TUSC1: variants seen among roughly 807,000 people sequenced by gnomAD.
TUSC1 encodes tumor suppressor candidate 1, also known as tumor suppressor candidate gene 1 protein.
A neutral mutation model predicts 5.2 loss-of-function variants in TUSC1; 8 were observed. The ratio of observed to expected loss-of-function variants is 1.54; its 90% confidence interval spans 0.90 to 2.77. TUSC1 has a LOEUF of 2.77. TUSC1 is among the 30% of genes most tolerant of loss of function. The pLI, the probability that TUSC1 is intolerant of heterozygous loss-of-function variation, is 0.00. For missense variants in TUSC1, 442 were observed against 324.2 expected, an observed-to-expected ratio of 1.36 and a Z score of -2.79; for synonymous variants, 192 against 144.2, an observed-to-expected ratio of 1.33 and a Z score of -2.37.
rs568849240 is a variant in TUSC1, at chr9:25,678,079, C to T, written c.234G>A (p.Glu78=). Residue 78 remains glutamate (E), a synonymous_variant, in exon 1 of 1, where the codon GAG becomes GAA. Transcript: ENST00000358022. ...GCAGCCGCGCGTTCTGCCGGTCCCA[C>T]TCGTCCCGCGCACGGATGGCCTCCA... ...SHLEAIRARD[E]WDRQNARLRQ... is the part of the protein sequence containing the mutation. The T allele has an allele frequency of 4.6e-5, 73 of 1,589,230 alleles. No homozygotes were observed. In the Admixed American group the frequency reaches 7.5e-4, roughly 16 times the overall value.
chr9:25,678,206 C>T lies in TUSC1; in HGVS notation c.107G>A (p.Gly36Asp), dbSNP rs1819090041. The T allele has an allele frequency of 6.5e-6, 9 of 1,374,552 alleles. No homozygotes were observed. In the South Asian group the frequency reaches 8.2e-5, roughly 13 times the overall value. 85.1% of individuals were successfully genotyped at this position (1,374,552 alleles called of 1,614,324 possible). ...GCCGCCGCCGCCGCCGCTGGGGCTGCCCCCACCACGAGCCCGGCCGGAGCG... is the reference window on the plus strand; with the variant it reads ...GCCGCCGCCGCCGCCGCTGGGGCTGTCCCCACCACGAGCCCGGCCGGAGCG... The part of the protein sequence containing the change: ...PGRSGRARGG[G>D]SPSGGGGGVG... The change falls in exon 1 of 1, where the codon GGC (glycine) becomes GAC (aspartate). Residue 36 changes from glycine (G) to aspartate (D), a missense_variant. By Grantham distance (94) the Gly-to-Asp change is moderately conservative (BLOSUM62 -1). Transcript: ENST00000358022.
rs930919425 is a variant in TUSC1, at chr9:25,677,903, C to T, written c.410G>A (p.Arg137Gln). 3 of 1,582,356 alleles carry T rather than the reference C, an allele frequency of 1.9e-6. No homozygotes were observed. Among genetic ancestry groups the T allele is most frequent in the Non-Finnish European group, 2.6e-6 (3 of 1,168,190 alleles). Residue 137 changes from arginine (R) to glutamine (Q), a missense_variant, in exon 1 of 1, where the codon CGG becomes CAG. By Grantham distance (43) the Arg-to-Gln change is conservative (BLOSUM62 1). Transcript: ENST00000358022. ...CTCTCGGCCGCTGTCTCTAGCCCTC[C>T]GGTTCGTGCTGGCCTCTTCAGGGAC... Reference protein sequence around the residue: ...RRVPEEASTNRRARDSGREDE... With the variant: ...RRVPEEASTNQRARDSGREDE...
chr9:25,678,214 A>G lies in TUSC1; in HGVS notation c.99T>C (p.Arg33=). 1 of 1,366,432 alleles carries G rather than the reference A, an allele frequency of 7.3e-7. No individual in the cohort carries two copies. The highest frequency in any genetic ancestry group is 3.2e-5 in the East Asian group (1 of 30,992). 84.6% of individuals were successfully genotyped at this position (1,366,432 alleles called of 1,614,324 possible). A position where few individuals can be genotyped will look rare whatever the true frequency, so the allele number is the denominator to read the frequency against. The change falls in exon 1 of 1, where the codon CGT becomes CGC. Residue 33 remains arginine, a synonymous_variant. Coordinates refer to ENST00000358022, the MANE Select transcript of TUSC1 (RefSeq NM_001004125.3). ...GRGPGRSGRA[R]GGGSPSGGGG... is the part of the protein sequence containing the mutation. Reference sequence around the variant, plus strand: ...CGCCGCCGCTGGGGCTGCCCCCACCACGAGCCCGGCCGGAGCGGCCTGGCC... The same window carrying G: ...CGCCGCCGCTGGGGCTGCCCCCACCGCGAGCCCGGCCGGAGCGGCCTGGCC...
rs369000698 is a variant in TUSC1 at position 25,677,847 on chromosome 9, C to G, written c.466G>C (p.Ala156Pro). ...ATGGCTTCCAGCTTCTCAAGTCGGG[C>G]CCTCAGGGCCCTGGGGCTGCCCGGC... is the stretch of plus-strand genomic sequence containing the variant. ...DEPGSPRALR[A>P]RLEKLEAMYR... Residue 156 changes from alanine (A) to proline (P), a missense_variant, in exon 1 of 1, where the codon GCC (alanine) becomes CCC (proline). Physicochemically the swap from Ala to Pro is conservative, Grantham distance 27 (BLOSUM62 -1). Coordinates refer to ENST00000358022, the MANE Select transcript of TUSC1 (RefSeq NM_001004125.3). 1 of 1,595,874 alleles carries G rather than the reference C, an allele frequency of 6.3e-7. No homozygotes were observed. Among genetic ancestry groups the G allele is most frequent in the Non-Finnish European group, 8.5e-7 (1 of 1,173,770 alleles).
Position 25,678,059 on chromosome 9 carries a change from C to G in TUSC1, c.254G>C (p.Arg85Pro). The change falls in exon 1 of 1, where the codon CGG (arginine) becomes CCG (proline). Residue 85 changes from arginine to proline, a missense_variant. Coordinates refer to ENST00000358022, the MANE Select transcript of TUSC1 (RefSeq NM_001004125.3). ...CAGCCGGGCGTTCTCCTGACGCAGC[C>G]GCGCGTTCTGCCGGTCCCACTCGTC... Reference protein sequence around the residue: ...ARDEWDRQNARLRQENARLRL... With the variant: ...ARDEWDRQNAPLRQENARLRL... 6.3e-7 allele frequency: 1 copy of G among 1,586,420 alleles called. No individual in the cohort carries two copies. The highest frequency in any genetic ancestry group is 8.5e-7 in the Non-Finnish European group (1 of 1,172,722).
rs187452429 is a variant in TUSC1, at chr9:25,677,914, G to A, written c.399C>T (p.Ala133=). ...TGTCTCTAGCCCTCCGGTTCGTGCT[G>A]GCCTCTTCAGGGACCCGGCGTGCCT... ...PAEARRVPEE[A]STNRRARDSG... is the part of the protein sequence containing the mutation. Residue 133 remains alanine (A), a synonymous_variant, in exon 1 of 1, where the codon GCC becomes GCT. Transcript: ENST00000358022. The A allele has an allele frequency of 7.0e-6, 11 of 1,574,226 alleles. No individual in the cohort carries two copies. Among genetic ancestry groups the A allele is most frequent in the Non-Finnish European group, 9.4e-6 (11 of 1,164,022 alleles).
Position 25,677,463 on chromosome 9 carries a change from C to T in TUSC1, c.*220G>A. 2.6e-6 allele frequency: 2 copies of T among 779,170 alleles called. No individual in the cohort carries two copies. Among genetic ancestry groups the T allele is most frequent in the South Asian group, 2.1e-5 (1 of 47,788 alleles). 48.3% of individuals were successfully genotyped at this position (779,170 alleles called of 1,614,324 possible). ...CGGGGCAAGAGGCAGGGGAACTGTA[C>T]ATGTGGGAGGTCCTGAGGGCCCTTG... On this transcript the variant is annotated 3_prime_UTR_variant, in exon 1 of 1. Coordinates refer to ENST00000358022, the MANE Select transcript of TUSC1 (RefSeq NM_001004125.3).
rs1819052479 is a variant in TUSC1, at chr9:25,677,041, T to C, written c.*642A>G. 1 of 152,224 alleles carries C rather than the reference T, an allele frequency of 6.6e-6. No individual in the cohort carries two copies. The highest frequency in any genetic ancestry group is 2.1e-4 in the South Asian group (1 of 4,834). 9.4% of individuals were successfully genotyped at this position (152,224 alleles called of 1,614,324 possible). A position where few individuals can be genotyped will look rare whatever the true frequency, so the allele number is the denominator to read the frequency against. On this transcript the variant is annotated 3_prime_UTR_variant, in exon 1 of 1. Coordinates refer to ENST00000358022, the MANE Select transcript of TUSC1 (RefSeq NM_001004125.3). ...ATAGGCAGATACCTTAAAAATTCTC[T>C]GGGGGCAAACAAATCAGTATATATT...
Position 25,677,134 on chromosome 9 carries a change from G to A in TUSC1, c.*549C>T, listed in dbSNP as rs1457246955. The A allele has an allele frequency of 6.6e-6, 1 of 152,624 alleles. No individual in the cohort carries two copies. Among genetic ancestry groups the A allele is most frequent in the Non-Finnish European group, 1.5e-5 (1 of 68,450 alleles). The allele number at this position is 152,624 out of a possible 1,614,324, so 9.5% of individuals were successfully genotyped here. On this transcript the variant is annotated 3_prime_UTR_variant, in exon 1 of 1. Transcript: ENST00000358022. Reference sequence around the variant, plus strand: ...GTTATAAATATCATCTTTATAAAAAGTGGGTATTTTATAGGACATCCAAGT... The same window carrying A: ...GTTATAAATATCATCTTTATAAAAAATGGGTATTTTATAGGACATCCAAGT...
At position 25,677,712 on chromosome 9, in the gene TUSC1, C is replaced by G; in HGVS notation, c.601G>C (p.Asp201His). Residue 201 changes from aspartate to histidine, a missense_variant, in exon 1 of 1, where the codon GAC (aspartate) becomes CAC (histidine). Coordinates refer to ENST00000358022, the MANE Select transcript of TUSC1 (RefSeq NM_001004125.3). Reference protein sequence around the residue: ...QEPDSGLRSRDSEPSGPWL With the variant: ...QEPDSGLRSRHSEPSGPWL ...AGCCAGGGCCCAGAGGGCTCCGAGT[C>G]CCGGGAGCGGAGGCCGGAGTCGGGT... The G allele has an allele frequency of 6.4e-7, 1 of 1,558,338 alleles. No homozygotes were observed. The highest frequency in any genetic ancestry group is 8.7e-7 in the Non-Finnish European group (1 of 1,151,640).
Position 25,677,631 on chromosome 9 carries a change from G to T in TUSC1, c.*52C>A. The T allele has an allele frequency of 1.4e-6, 2 of 1,447,852 alleles. No homozygotes were observed. The highest frequency in any genetic ancestry group is 1.8e-6 in the Non-Finnish European group (2 of 1,105,438). 89.7% of individuals were successfully genotyped at this position (1,447,852 alleles called of 1,614,324 possible). On this transcript the variant is annotated 3_prime_UTR_variant, in exon 1 of 1. Coordinates refer to ENST00000358022, the MANE Select transcript of TUSC1 (RefSeq NM_001004125.3). Reference sequence around the variant, plus strand: ...CGCGAGGTCGGGGGTAGCTGGGAACGGAGGAGGAGGGGCCCGCTCGAGGCT... The same window carrying T: ...CGCGAGGTCGGGGGTAGCTGGGAACTGAGGAGGAGGGGCCCGCTCGAGGCT...
At position 25,678,411 on chromosome 9, in the gene TUSC1, G is replaced by T; in HGVS notation, c.-99C>A. 1.7e-6 allele frequency: 2 copies of T among 1,145,296 alleles called. No individual in the cohort carries two copies. The highest frequency in any genetic ancestry group is 2.2e-6 in the Non-Finnish European group (2 of 898,560). 70.9% of individuals were successfully genotyped at this position (1,145,296 alleles called of 1,614,324 possible). A position where few individuals can be genotyped will look rare whatever the true frequency, so the allele number is the denominator to read the frequency against. On this transcript the variant is annotated 5_prime_UTR_variant, in exon 1 of 1. Coordinates refer to ENST00000358022, the MANE Select transcript of TUSC1 (RefSeq NM_001004125.3). ...CTGGCAGGGCGGCCGGGGTGACGACGGAGGAGGAGAGGAGGTCGCGGGCGG... is the reference window on the plus strand; with the variant it reads ...CTGGCAGGGCGGCCGGGGTGACGACTGAGGAGGAGAGGAGGTCGCGGGCGG...
Position 25,677,725 on chromosome 9 carries a change from G to A in TUSC1, c.588C>T (p.Gly196=), listed in dbSNP as rs1305742725. The stretch of plus-strand genomic sequence containing the variant: ...AGGGCTCCGAGTCCCGGGAGCGGAG[G>A]CCGGAGTCGGGTTCCTGTAGAGGCT... ...EEQPLQEPDS[G]LRSRDSEPSG... Residue 196 remains glycine, a synonymous_variant, in exon 1 of 1, where the codon GGC becomes GGT. Coordinates refer to ENST00000358022, the MANE Select transcript of TUSC1 (RefSeq NM_001004125.3). 8 of 1,565,116 alleles carry A rather than the reference G, an allele frequency of 5.1e-6. No individual in the cohort carries two copies. The highest frequency in any genetic ancestry group is 6.9e-6 in the Non-Finnish European group (8 of 1,155,254).
rs975109883 is a variant in TUSC1 at position 25,678,214 on chromosome 9, A to C, written c.99T>G (p.Arg33=). The C allele has an allele frequency of 1.5e-5, 20 of 1,366,324 alleles. No homozygotes were observed. The African/African-American group carries it at 2.9e-4, about 20-fold the overall frequency. The allele number at this position is 1,366,324 out of a possible 1,614,324, so 84.6% of individuals were successfully genotyped here. The change falls in exon 1 of 1, where the codon CGT becomes CGG. Residue 33 remains arginine, a synonymous_variant. Coordinates refer to ENST00000358022, the MANE Select transcript of TUSC1 (RefSeq NM_001004125.3). ...CGCCGCCGCTGGGGCTGCCCCCACC[A>C]CGAGCCCGGCCGGAGCGGCCTGGCC... The part of the protein sequence containing the change: ...GRGPGRSGRA[R]GGGSPSGGGG...
At position 25,677,530 on chromosome 9, in the gene TUSC1, CG is replaced by C. The variant is rs985656293; in HGVS notation, c.*152del. The C allele has an allele frequency of 8.6e-5, 120 of 1,390,312 alleles. No individual in the cohort carries two copies. The highest frequency in any genetic ancestry group is 1.2e-4 in the Admixed American group (4 of 34,772). The allele number at this position is 1,390,312 out of a possible 1,614,324, so 86.1% of individuals were successfully genotyped here. On this transcript the variant is annotated 3_prime_UTR_variant, in exon 1 of 1. Coordinates refer to ENST00000358022, the MANE Select transcript of TUSC1 (RefSeq NM_001004125.3). The stretch of plus-strand genomic sequence containing the variant: ...ACCAAGCGGATGGCCAAGCGCCACC[CG>C]GAAGTGTCCACTGGTGGGGGCGGGA...
In TUSC1 at chr9:25,677,469, G is replaced by A; in HGVS notation, c.*214C>T. 1 of 825,220 alleles carries A rather than the reference G, an allele frequency of 1.2e-6. No homozygotes were observed. Among genetic ancestry groups the A allele is most frequent in the East Asian group, 2.7e-5 (1 of 36,380 alleles). 51.1% of individuals were successfully genotyped at this position (825,220 alleles called of 1,614,324 possible). A position where few individuals can be genotyped will look rare whatever the true frequency, so the allele number is the denominator to read the frequency against. On this transcript the variant is annotated 3_prime_UTR_variant, in exon 1 of 1. Transcript: ENST00000358022. ...AAGAGGCAGGGGAACTGTACATGTG[G>A]GAGGTCCTGAGGGCCCTTGCACCCA...
rs752633760 is a variant in TUSC1 at position 25,677,802 on chromosome 9, G to A, written c.511C>T (p.Gln171Ter). 1.3e-6 allele frequency: 2 copies of A among 1,591,800 alleles called. No individual in the cohort carries two copies. The highest frequency in any genetic ancestry group is 1.7e-6 in the Non-Finnish European group (2 of 1,170,298). ...LEAMYRRALL[Q>*]LHLEQRGPRP... ...GGTCCCCGCTGCTCGAGGTGCAGCT[G>A]CAGCAGGGCCCGGCGGTACATGGCT... The change falls in exon 1 of 1, where the codon CAG (glutamine) becomes TAG (stop). Residue 171 changes from glutamine to a stop codon, truncating the protein, a stop_gained. Transcript: ENST00000358022. LOFTEE classifies it low-confidence loss of function (END_TRUNC).
chr9:25,678,404 T>A lies in TUSC1; in HGVS notation c.-92A>T. ...TTCGGGGCTGGCAGGGCGGCCGGGG[T>A]GACGACGGAGGAGGAGAGGAGGTCG... On this transcript the variant is annotated 5_prime_UTR_variant, in exon 1 of 1. Coordinates refer to ENST00000358022, the MANE Select transcript of TUSC1 (RefSeq NM_001004125.3). 1 of 1,187,480 alleles carries A rather than the reference T, an allele frequency of 8.4e-7. No homozygotes were observed. Among genetic ancestry groups the A allele is most frequent in the Non-Finnish European group, 1.1e-6 (1 of 932,722 alleles). 73.6% of individuals were successfully genotyped at this position (1,187,480 alleles called of 1,614,324 possible). A position where few individuals can be genotyped will look rare whatever the true frequency, so the allele number is the denominator to read the frequency against.
Position 25,677,705 on chromosome 9 carries a change from TC to T in TUSC1, c.607del (p.Glu203SerfsTer14). The T allele has an allele frequency of 6.4e-7, 1 of 1,554,174 alleles. No individual in the cohort carries two copies. The highest frequency in any genetic ancestry group is 8.7e-7 in the Non-Finnish European group (1 of 1,149,568). ...PDSGLRSRDS[E>X]PSGPWL ...CGGCTACAGCCAGGGCCCAGAGGGC[TC>T]CGAGTCCCGGGAGCGGAGGCCGGAG... On this transcript the variant is annotated frameshift_variant, in exon 1 of 1. Transcript: ENST00000358022. LOFTEE classifies it high-confidence loss of function.
Sources: gnomAD v4.1 joint callset for allele counts on GRCh38, gnomAD v4.1.1 for gene constraint, MANE v1.5 for transcripts, NCBI Gene and HGNC (gene_info 2026-07-23, HGNC 2026-07-21) for gene names.